NUP93: variants seen among roughly 807,000 people sequenced by gnomAD.
NUP93 encodes the protein nuclear pore complex protein Nup93.
A neutral mutation model predicts 107.8 loss-of-function variants in NUP93; 55 were observed. That is an observed-to-expected ratio of 0.51 (90% CI 0.41 to 0.64). NUP93 has a LOEUF of 0.64. Among genes scored for constraint, NUP93 ranks in the 30% least tolerant of loss-of-function variants. The probability of loss-of-function intolerance (pLI) is 0.00; values close to 1 mark genes in which losing one functional copy is unlikely to be tolerated. For missense variants in NUP93, 937 were observed against 1,044.7 expected, an observed-to-expected ratio of 0.90 and a Z score of 1.42; for synonymous variants, 390 against 397.5, an observed-to-expected ratio of 0.98 and a Z score of 0.22.
intron 3 of NUP93, among the ~76,000 whole-genome samples, chr16:56,780,392 GTTGAT>G (rs1962492052): frequency 6.6e-6 from 1 of 152,174 alleles, no homozygotes; most frequent in South Asian, 2.1e-4. Flanking sequence ...GAAATCATGA[GTTGAT>G]TTTTATGCTA....
At chr16:56,794,502 A>T (rs1055673745) in intron 3 of NUP93, among the ~76,000 whole-genome samples, 7 of 152,076 alleles carry the variant, frequency 4.6e-5, no homozygotes, top group African/African-American at 1.7e-4. Context: ...AAATTTGGGA[A>T]TTGCATTTCT....
At chr16:56,808,102 CAT>C (rs1414851374) in intron 5 of NUP93, among the ~76,000 whole-genome samples, 10 of 122,912 alleles carry the variant, frequency 8.1e-5, no homozygotes, top group African/African-American at 1.6e-4. Flanking sequence ...TATACACACA[CAT>C]ATAAATATAT....
intron 8 of NUP93, among the ~76,000 whole-genome samples, chr16:56,826,514 T>TAA (rs35715417): frequency 9.4e-5 from 12 of 128,188 alleles, no homozygotes; most frequent in Admixed American, 1.6e-4. Flanking sequence ...AGACTCCGTC[T>TAA]AAAAAAAAAA....
chr16:56,779,443 A>G (rs1242353197), intron 3 of NUP93, among the ~76,000 whole-genome samples: 1 of 152,234 alleles, frequency 6.6e-6, no homozygotes, highest in Non-Finnish European at 1.5e-5. Context: ...TAAAGCCAAA[A>G]TACAAAATTA....
At chr16:56,788,558 CAG>C (rs1962680468) in intron 3 of NUP93, among the ~76,000 whole-genome samples, 1 of 152,242 alleles carries the variant, frequency 6.6e-6, no homozygotes, top group South Asian at 2.1e-4. Flanking sequence ...TACGGAGTCT[CAG>C]AGCCCTTCAG....
chr16:56,808,185 T>C (rs1963199199), intron 5 of NUP93, among the ~76,000 whole-genome samples: 1 of 128,308 alleles, frequency 7.8e-6, no homozygotes, highest in African/African-American at 3.0e-5. Context: ...ATAAAATATA[T>C]AGTTATATAA....
At chr16:56,754,897 G>T (rs1261765640) in intron 2 of NUP93, among the ~76,000 whole-genome samples, 1 of 152,128 alleles carries the variant, frequency 6.6e-6, no homozygotes, top group Non-Finnish European at 1.5e-5. Context: ...CTGTTCGGAG[G>T]CTCCCAAAAT....
At chr16:56,786,210 TG>T (rs1393263625) in intron 3 of NUP93, among the ~76,000 whole-genome samples, 1 of 152,134 alleles carries the variant, frequency 6.6e-6, no homozygotes, top group Non-Finnish European at 1.5e-5. Flanking sequence ...GTAATGACAG[TG>T]TTGATTTCTC....
intron 3 of NUP93, among the ~76,000 whole-genome samples, chr16:56,771,411 G>A (rs1460088035): frequency 6.6e-6 from 1 of 152,020 alleles, no homozygotes; most frequent in East Asian, 1.9e-4. Context: ...CTTATGCCTT[G>A]CTGAGGAAGG....
intron 8 of NUP93, among the ~76,000 whole-genome samples, chr16:56,827,902 T>C (rs2144623216): frequency 6.6e-6 from 1 of 152,248 alleles, no homozygotes; most frequent in South Asian, 2.1e-4. Context: ...GGAGGATCAC[T>C]TGAGGTCAGG....
At chr16:56,796,762 A>G (rs1246938220) in intron 3 of NUP93, among the ~76,000 whole-genome samples, 3 of 152,038 alleles carry the variant, frequency 2.0e-5, no homozygotes, top group African/African-American at 4.8e-5. Context: ...TTGGATCACA[A>G]GGTCAGGAGA....
Position 56,850,281 on chromosome 16 carries a change from AT to A in NUP93, c.*5673del, listed in dbSNP as rs1964161112. On this transcript the variant is annotated 3_prime_UTR_variant, in exon 22 of 22. Coordinates refer to ENST00000308159, the MANE Select transcript of NUP93 (RefSeq NM_014669.5). ...TGTCTGTAGCCAGTAAATTTCTGGA[AT>A]ATTCTCCCAGAGTGCCATGTGCCCC... is the stretch of plus-strand genomic sequence containing the variant. The A allele has an allele frequency of 6.6e-6, 1 of 152,238 alleles. No individual in the cohort carries two copies. Among genetic ancestry groups the A allele is most frequent in the Non-Finnish European group, 1.5e-5 (1 of 68,094 alleles). The allele number at this position is 152,238 out of a possible 1,614,324, so 9.4% of individuals were successfully genotyped here.
intron 3 of NUP93, among the ~76,000 whole-genome samples, chr16:56,795,489 A>T (rs1434001524): frequency 6.6e-6 from 1 of 151,886 alleles, no homozygotes; most frequent in Admixed American, 6.6e-5. Flanking sequence ...TCCTAGCTTT[A>T]TGTGCTCTGG....
intron 2 of NUP93, among the ~76,000 whole-genome samples, chr16:56,757,136 C>T (rs1320296947): frequency 6.6e-6 from 1 of 152,206 alleles, no homozygotes; most frequent in Non-Finnish European, 1.5e-5. Flanking sequence ...ATTAGAACTA[C>T]ATATGCGAAA....
At chr16:56,776,088 A>G (rs1481675271) in intron 3 of NUP93, among the ~76,000 whole-genome samples, 3 of 147,384 alleles carry the variant, frequency 2.0e-5, no homozygotes, top group South Asian at 4.3e-4. Flanking sequence ...GAGGAATGCT[A>G]TTTTCAATTT....
In NUP93 at chr16:56,837,742, G is replaced by C. The variant is rs1442730776; in HGVS notation, c.2018+16G>C. ...TTGCCGAACGGTAAGCCAGGAGCTG[G>C]CTCCATGGGACCCTGAGGGTGCCAC... On this transcript the variant is annotated intron_variant, in intron 18 of 21. Coordinates refer to ENST00000308159, the MANE Select transcript of NUP93 (RefSeq NM_014669.5). 1.9e-6 allele frequency: 3 copies of C among 1,602,094 alleles called. No homozygotes were observed. Among genetic ancestry groups the C allele is most frequent in the Non-Finnish European group, 2.6e-6 (3 of 1,170,390 alleles).
At chr16:56,826,479 GCA>G (rs1256725865) in intron 8 of NUP93, among the ~76,000 whole-genome samples, 1 of 146,388 alleles carries the variant, frequency 6.8e-6, no homozygotes, top group African/African-American at 2.6e-5. Flanking sequence ...TCGTGCCACT[GCA>G]CTCCAGTCTG....
chr16:56,832,193 C>T, intron 11 of NUP93, 102 bp from the exon 12 acceptor site: 1 of 1,258,464 alleles, frequency 7.9e-7, no homozygotes. Flanking sequence ...AACACAGCTT[C>T]TAGCTGACAT....
At chr16:56,840,113 C>T (rs552858609) in intron 20 of NUP93, among the ~76,000 whole-genome samples, 160 of 152,246 alleles carry the variant, frequency 1.1e-3, no homozygotes, top group African/African-American at 3.6e-3. Context: ...CTCTACCTCC[C>T]GGGTTCACAC....
Sources: gnomAD v4.1 joint callset for allele counts (sites outside exome capture counted in the v4.1 genomes callset) on GRCh38, gnomAD v4.1.1 for gene constraint, MANE v1.5 for transcripts, NCBI Gene and HGNC (gene_info 2026-07-23, HGNC 2026-07-21) for gene names.